The following SRMS variants were observed in gnomAD, a reference collection of about 807,000 sequenced individuals.
The protein encoded by SRMS is src-related kinase lacking C-terminal regulatory tyrosine and N-terminal myristylation sites.
Under a neutral mutation model 43.5 loss-of-function variants are expected in SRMS, and 42 were observed. The ratio of observed to expected loss-of-function variants is 0.97; its 90% CI spans 0.75 to 1.25. The LOEUF is 1.25. Ranked by LOEUF, SRMS falls within the 50% of genes most tolerant of loss-of-function variation. The pLI is 0.00. For synonymous variants in SRMS, 316 were observed against 308.2 expected (o/e 1.03, Z -0.27); for missense variants, 703 against 681.0 (o/e 1.03, Z -0.36).
chr20:63,540,674 G>A lies in SRMS; in HGVS notation c.*144C>T. ...CCCTCCGTCTGCACGTCTGCCTGGT[G>A]CACGAACATGTGTGCACGCCAGGGC... On this transcript the variant is annotated 3_prime_UTR_variant, in exon 8 of 8. Transcript: ENST00000217188. 1 of 1,040,166 alleles carries A rather than the reference G, an allele frequency of 9.6e-7. No individual in the cohort carries two copies. The highest frequency in any genetic ancestry group is 1.4e-6 in the Non-Finnish European group (1 of 732,362). 64.4% of individuals were successfully genotyped at this position (1,040,166 alleles called of 1,614,324 possible). A position where few individuals can be genotyped will look rare whatever the true frequency, so the allele number is the denominator to read the frequency against.
chr20:63,542,600 G>C lies in SRMS; in HGVS notation c.646-19C>G. The C allele has an allele frequency of 6.3e-7, 1 of 1,597,712 alleles. No homozygotes were observed. Among genetic ancestry groups the C allele is most frequent in the Non-Finnish European group, 8.5e-7 (1 of 1,172,186 alleles). On this transcript the variant is annotated intron_variant, in intron 3 of 7. Coordinates refer to ENST00000217188, the MANE Select transcript of SRMS (RefSeq NM_080823.4). ...GGGCCTTCTGCAGGGAGGGTGGGCA[G>C]GGAGGCTGGTCAGCGTGGGCCCCTG...
rs531147546 is a variant in SRMS at position 63,541,330 on chromosome 20, C to T, written c.1146G>A (p.Pro382=). Residue 382 remains proline (P), a synonymous_variant, in exon 7 of 8, where the codon CCG becomes CCA. Coordinates refer to ENST00000217188, the MANE Select transcript of SRMS (RefSeq NM_080823.4). ...TGACCGGGATCTTGGAGCTGCTGCT[C>T]GGGGAGTAGATGTCGTCCTGGGGGC... is the stretch of plus-strand genomic sequence containing the variant. ...ARLLKDDIYS[P]SSSSKIPVKW... The T allele has an allele frequency of 6.5e-6, 10 of 1,541,868 alleles. No homozygotes were observed. Among genetic ancestry groups the T allele is most frequent in the South Asian group, 2.5e-5 (2 of 80,420 alleles).
intron 7 of SRMS, 45 bp downstream of exon 7, chr20:63,541,146 C>T: frequency 1.3e-6 from 2 of 1,550,610 alleles, no homozygotes; most frequent in Non-Finnish European, 1.7e-6. Context: ...GCCAGTGACT[C>T]CTGGGCAGAG....
rs373947266 is a variant in SRMS, at chr20:63,541,341, TGTC to T, written c.1132_1134del (p.Asp378del). ...TTGGAGCTGCTGCTCGGGGAGTAGA[TGTC>T]GTCCTGGGGGCGAGGGAAGGCCCCT... On this transcript the variant is annotated inframe_deletion, in exon 7 of 8. Transcript: ENST00000217188. The T allele has an allele frequency of 6.2e-4, 959 of 1,542,762 alleles. 9 individuals carry two copies. In the South Asian group the frequency reaches 6.9e-3, roughly 11 times the overall value.
At chr20:63,542,120 C>A in intron 5 of SRMS, 43 bp downstream of exon 5, 2 of 1,578,040 alleles carry the variant, frequency 1.3e-6, no homozygotes, top group South Asian at 2.3e-5. Flanking sequence ...AAGGGGCGGT[C>A]GCAGGCGCGT....
rs2082741723 is a variant in SRMS at position 63,547,671 on chromosome 20, G to A, written c.-208C>T. On this transcript the variant is annotated 5_prime_UTR_variant, in exon 1 of 8. Coordinates refer to ENST00000217188, the MANE Select transcript of SRMS (RefSeq NM_080823.4). ...GCGTCCGGGCTGGCGTTGGGGCTGG[G>A]TGGGGCGCAGGGCGGACCCCCTGCC... is the stretch of plus-strand genomic sequence containing the variant. Among the ~76,000 whole-genome samples the A allele has an allele frequency of 6.6e-6, 1 of 152,238 alleles. No individual in the cohort carries two copies. Among genetic ancestry groups the A allele is most frequent in the African/African-American group, 2.4e-5 (1 of 41,468 alleles).
At chr20:63,544,482 T>C (rs2082720672) in intron 1 of SRMS, 134 bp from the exon 2 acceptor site, 1 of 1,184,374 alleles carries the variant, frequency 8.4e-7, no homozygotes, top group Non-Finnish European at 1.1e-6. Context: ...CCGTGGACTT[T>C]GAGTCCCAGC....
At chr20:63,546,430 C>G (rs2082731184) in intron 1 of SRMS, among the ~76,000 whole-genome samples, 1 of 152,216 alleles carries the variant, frequency 6.6e-6, no homozygotes, top group Admixed American at 6.5e-5. Flanking sequence ...CCGCTCAGAG[C>G]AGCCGCACTG....
At chr20:63,546,582 T>TCAGCCTC (rs2082732336) in intron 1 of SRMS, among the ~76,000 whole-genome samples, 1 of 132,912 alleles carries the variant, frequency 7.5e-6, no homozygotes, top group African/African-American at 3.9e-5. Flanking sequence ...TGGGCCCGTC[T>TCAGCCTC]CAGCCCCCAG....
In SRMS at chr20:63,547,192, C is replaced by A. The variant is rs372690683; in HGVS notation, c.272G>T (p.Arg91Leu). Residue 91 changes from arginine (R) to leucine (L), a missense_variant, in exon 1 of 8, where the codon CGC becomes CTC. Coordinates refer to ENST00000217188, the MANE Select transcript of SRMS (RefSeq NM_080823.4). ...GGCGCTGGGCTGGCCCGAAAGCCTG[C>A]GTGCGAAGATGTAGCCGCCCCCCTC... ...LEEGGGYIFA[R>L]RLSGQPSAGL... is the part of the protein sequence containing the mutation. 6 of 1,611,840 alleles carry A rather than the reference C, an allele frequency of 3.7e-6. No homozygotes were observed. The highest frequency in any genetic ancestry group is 3.3e-5 in the Admixed American group (2 of 59,918).
At chr20:63,546,001 G>A (rs1454747719) in intron 1 of SRMS, among the ~76,000 whole-genome samples, 6 of 152,150 alleles carry the variant, frequency 3.9e-5, no homozygotes, top group East Asian at 1.9e-4. Context: ...CCTGGGGCGT[G>A]GGGCCAGGTG....
intron 2 of SRMS, 93 bp from the exon 3 acceptor site, chr20:63,543,573 G>A: frequency 4.1e-6 from 6 of 1,472,776 alleles, no homozygotes; most frequent in Non-Finnish European, 5.5e-6. Flanking sequence ...CCCACTAAGG[G>A]GTCTGGCTCA....
rs755904712 is a variant in SRMS, at chr20:63,541,213, G to A, written c.1263C>T (p.Thr421=). ...CACCTTCATAGGGACACTGGCCATAGGTGAAAACCTCGTGCAGCAGGACGC... is the reference window on the plus strand; with the variant it reads ...CACCTTCATAGGGACACTGGCCATAAGTGAAAACCTCGTGCAGCAGGACGC... ...SFGVLLHEVF[T]YGQCPYEGMT... Residue 421 remains threonine (T), a synonymous_variant, in exon 7 of 8, where the codon ACC becomes ACT. Coordinates refer to ENST00000217188, the MANE Select transcript of SRMS (RefSeq NM_080823.4). 2.6e-6 allele frequency: 4 copies of A among 1,563,318 alleles called. No homozygotes were observed. The highest frequency in any genetic ancestry group is 1.2e-5 in the South Asian group (1 of 83,602).
intron 5 of SRMS, 53 bp from the exon 6 acceptor site, chr20:63,541,673 G>C: frequency 6.9e-7 from 1 of 1,451,170 alleles, no homozygotes; most frequent in Non-Finnish European, 9.1e-7. Context: ...GGCCGGTGAG[G>C]CCAGCGTCCA....
At position 63,547,045 on chromosome 20, in the gene SRMS, C is replaced by T. The variant is rs113476615; in HGVS notation, c.356+63G>A. 135 of 1,385,324 alleles carry T rather than the reference C, an allele frequency of 9.7e-5. 1 individual carries two copies. In the African/African-American group the frequency reaches 1.5e-3, roughly 16 times the overall value. The allele number at this position is 1,385,324 out of a possible 1,614,324, so 85.8% of individuals were successfully genotyped here. A position where few individuals can be genotyped will look rare whatever the true frequency, so the allele number is the denominator to read the frequency against. On this transcript the variant is annotated intron_variant, in intron 1 of 7. Transcript: ENST00000217188. Reference sequence around the variant, plus strand: ...TGCGATTTCCAACTCAAAATCCTGCCGTTGTTCTGGACTCCCCAGCTGGGG... The same window carrying T: ...TGCGATTTCCAACTCAAAATCCTGCTGTTGTTCTGGACTCCCCAGCTGGGG...
chr20:63,547,417 CAGA>C lies in SRMS; in HGVS notation c.44_46del (p.Phe15del), dbSNP rs1282409629. ...GCCGCCCGCCGGCCAGATCTTGTCCCAGAAGAAGGACAGGAAGGCCAGCCGCCT... is the reference window on the plus strand; with the variant it reads ...GCCGCCCGCCGGCCAGATCTTGTCCCAGAAGGACAGGAAGGCCAGCCGCCT... On this transcript the variant is annotated inframe_deletion, in exon 1 of 8. Transcript: ENST00000217188. 10 of 1,549,678 alleles carry C rather than the reference CAGA, an allele frequency of 6.5e-6. No individual in the cohort carries two copies. The highest frequency in any genetic ancestry group is 1.4e-5 in the African/African-American group (1 of 72,736).
chr20:63,541,004 G>A lies in SRMS; in HGVS notation c.1286-5C>T. ...GCGTCTCGTGGTTGGTCATCCCTGG[G>A]AGGCGCGGGGCAAGAGCTGCCTCGA... On this transcript the variant is annotated splice_region_variant and splice_polypyrimidine_tract_variant and intron_variant, in intron 7 of 7. Coordinates refer to ENST00000217188, the MANE Select transcript of SRMS (RefSeq NM_080823.4). The A allele has an allele frequency of 6.2e-7, 1 of 1,608,780 alleles. No homozygotes were observed.
rs865791972 is a variant in SRMS at position 63,540,075 on chromosome 20, C to G, written c.*743G>C. On this transcript the variant is annotated 3_prime_UTR_variant, in exon 8 of 8. Coordinates refer to ENST00000217188, the MANE Select transcript of SRMS (RefSeq NM_080823.4). ...TTCTAGCCACGTGGACCCGTACGCT[C>G]CAGCTCCTGGGTCTGGGTTTGGGGG... Among the ~76,000 whole-genome samples, 3 of 152,338 alleles carry G rather than the reference C, an allele frequency of 2.0e-5. No individual in the cohort carries two copies. Among genetic ancestry groups the G allele is most frequent in the Non-Finnish European group, 4.4e-5 (3 of 68,036 alleles).
Position 63,541,468 on chromosome 20 carries a change from C to T in SRMS, c.1099G>A (p.Ala367Thr), listed in dbSNP as rs754394190. 16 of 1,606,552 alleles carry T rather than the reference C, an allele frequency of 1.0e-5. No homozygotes were observed. Among genetic ancestry groups the T allele is most frequent in the Non-Finnish European group, 1.2e-5 (14 of 1,178,986 alleles). ...LVDDGLACKV[A>T]DFGLARLLKD... ...AGCAGCCGGGCCAGGCCGAAGTCAG[C>T]CACCTTGCAGGCCAGGCCGTCGTCC... Residue 367 changes from alanine to threonine, a missense_variant, in exon 6 of 8, where the codon GCT becomes ACT. Physicochemically the swap from Ala to Thr is moderately conservative, Grantham distance 58. Coordinates refer to ENST00000217188, the MANE Select transcript of SRMS (RefSeq NM_080823.4).
Sources: gnomAD v4.1 joint callset for allele counts (sites outside exome capture counted in the v4.1 genomes callset) on GRCh38, gnomAD v4.1.1 for gene constraint, MANE v1.5 for transcripts, NCBI Gene and HGNC (gene_info 2026-07-23, HGNC 2026-07-21) for gene names.